The following UGGT2 variants were observed in gnomAD, a reference collection of about 807,000 sequenced individuals.
UGGT2 encodes the protein UDP-glucose:glycoprotein glucosyltransferase 2.
UGGT2 carries 180 observed loss-of-function variants against 192.1 expected under a neutral mutation model. The observed-to-expected ratio is 0.94, with a 90% CI of 0.83 to 1.06. UGGT2 has a LOEUF of 1.06. Among genes scored for constraint, UGGT2 ranks in the 50% least tolerant of loss-of-function variants. The pLI is 0.00. For synonymous variants in UGGT2, 580 were observed against 591.0 expected, an observed-to-expected ratio of 0.98 and a Z score of 0.27; for missense variants, 1,849 against 1,795.7, an observed-to-expected ratio of 1.03 and a Z score of -0.54.
chr13:96,040,531 A>G (rs898156678), intron 1 of UGGT2, among the ~76,000 whole-genome samples: 18 of 152,166 alleles, frequency 1.2e-4, no homozygotes, highest in Non-Finnish European at 2.1e-4. Flanking sequence ...AGGTTCTGGG[A>G]GTTAGGATGT....
At chr13:95,904,572 T>C (rs2048220413) in intron 20 of UGGT2, among the ~76,000 whole-genome samples, 1 of 151,782 alleles carries the variant, frequency 6.6e-6, no homozygotes, top group South Asian at 2.1e-4. Flanking sequence ...TGCGATAGTT[T>C]ACTGAGAATG....
chr13:95,937,499 G>A (rs80012187), intron 16 of UGGT2, among the ~76,000 whole-genome samples: 102 of 152,208 alleles, frequency 6.7e-4, no homozygotes, highest in African/African-American at 1.6e-3. Flanking sequence ...AACATTTATC[G>A]GCATCAGAGA....
At chr13:95,895,943 G>A (rs1329168422) in intron 22 of UGGT2, among the ~76,000 whole-genome samples, 1 of 151,972 alleles carries the variant, frequency 6.6e-6, no homozygotes, top group Non-Finnish European at 1.5e-5. Context: ...TACAAAGTTA[G>A]AAGCTGCCAA....
intron 1 of UGGT2, among the ~76,000 whole-genome samples, chr13:96,052,569 A>C (rs2053516356): frequency 6.6e-6 from 1 of 152,252 alleles, no homozygotes; most frequent in Non-Finnish European, 1.5e-5. Flanking sequence ...GTGAACAGCC[A>C]TTAAGTCATT....
intron 17 of UGGT2, among the ~76,000 whole-genome samples, chr13:95,930,755 G>C (rs1316832515): frequency 6.6e-6 from 1 of 152,172 alleles, no homozygotes; most frequent in Non-Finnish European, 1.5e-5. Flanking sequence ...GACCCTCGCG[G>C]TGAGTGTTAC....
chr13:95,939,298 C>G (rs987946946), intron 16 of UGGT2, among the ~76,000 whole-genome samples: 3 of 152,196 alleles, frequency 2.0e-5, no homozygotes, highest in Non-Finnish European at 2.9e-5. Context: ...CTTCAGGATT[C>G]TGCTTAAATA....
At position 95,975,657 on chromosome 13, in the gene UGGT2, C is replaced by T. The variant is rs908564241; in HGVS notation, c.1093-2986G>A. ...TTATTCTAATATGTCTCTTTAATAA[C>T]CAATGGAGCTGAGCTATTACCTGAA... On this transcript the variant is annotated intron_variant, in intron 10 of 38. Transcript: ENST00000376747. 7.2e-5 allele frequency among the ~76,000 whole-genome samples: 11 copies of T among 152,020 alleles called. No individual in the cohort carries two copies. In the East Asian group the frequency reaches 2.1e-3, roughly 29 times the overall value.
At chr13:96,016,695 T>G (rs550180522) in intron 4 of UGGT2, among the ~76,000 whole-genome samples, 14 of 152,196 alleles carry the variant, frequency 9.2e-5, no homozygotes, top group Admixed American at 6.5e-4. Flanking sequence ...CCCACAGATA[T>G]TCTACTAGGG....
intron 27 of UGGT2, 134 bp from the exon 28 acceptor site, chr13:95,877,990 ATGAG>A: frequency 2.3e-6 from 2 of 866,002 alleles, no homozygotes; most frequent in South Asian, 2.1e-5. Flanking sequence ...TATTTTACAC[ATGAG>A]TGAATTCATG....
rs182742394 is a variant in UGGT2 at position 95,983,976 on chromosome 13, T to A, written c.1032-112A>T. 170 of 623,252 alleles carry A rather than the reference T, an allele frequency of 2.7e-4. 1 individual carries two copies. The East Asian group carries it at 5.1e-3, about 19-fold the overall frequency. 38.6% of individuals were successfully genotyped at this position (623,252 alleles called of 1,614,324 possible). On this transcript the variant is annotated intron_variant, in intron 9 of 38. Coordinates refer to ENST00000376747, the MANE Select transcript of UGGT2 (RefSeq NM_020121.4). ...TAAGAAGCTAAAAACTCCAAATCCT[T>A]TGTGACTGAAAAGTATACATTTCCA...
intron 9 of UGGT2, 74 bp downstream of exon 9, chr13:95,986,259 A>C (rs778633113): frequency 3.3e-4 from 351 of 1,050,710 alleles, no homozygotes; most frequent in Non-Finnish European, 4.3e-4. Context: ...TGTTAAATGA[A>C]ATCAGCTATT....
intron 38 of UGGT2, among the ~76,000 whole-genome samples, chr13:95,820,339 A>C (rs1193905686): frequency 6.6e-6 from 1 of 152,062 alleles, no homozygotes; most frequent in African/African-American, 2.4e-5. Context: ...AAAGCAGTCT[A>C]CTCCCCTAAA....
intron 36 of UGGT2, among the ~76,000 whole-genome samples, chr13:95,838,312 T>C (rs917001211): frequency 3.9e-5 from 6 of 152,102 alleles, no homozygotes; most frequent in Non-Finnish European, 8.8e-5. Context: ...AACACTGAAA[T>C]ACATGAAGAG....
intron 24 of UGGT2, among the ~76,000 whole-genome samples, chr13:95,892,024 C>G (rs548006967): frequency 6.6e-6 from 1 of 152,232 alleles, no homozygotes; most frequent in African/African-American, 2.4e-5. Flanking sequence ...ACAAATCAGA[C>G]GTTCTGCTAT....
At chr13:95,940,139 G>T in intron 15 of UGGT2, 48 bp from the exon 16 acceptor site, 4 of 1,341,090 alleles carry the variant, frequency 3.0e-6, no homozygotes, top group East Asian at 2.7e-5. Flanking sequence ...ATAGCAATTA[G>T]TTTTCTTTTT....
intron 1 of UGGT2, among the ~76,000 whole-genome samples, chr13:96,052,886 A>C (rs1208819426): frequency 6.6e-6 from 1 of 152,260 alleles, no homozygotes; most frequent in Non-Finnish European, 1.5e-5. Context: ...ATGCTAATAC[A>C]TCCCAACGTA....
chr13:95,849,335 G>GAC (rs1436278945), intron 36 of UGGT2, among the ~76,000 whole-genome samples: 2 of 152,100 alleles, frequency 1.3e-5, no homozygotes, highest in Admixed American at 6.5e-5. Context: ...AGGAGATCAA[G>GAC]ACCATCCTGG....
intron 15 of UGGT2, among the ~76,000 whole-genome samples, chr13:95,945,490 T>TTA (rs1182934479): frequency 6.6e-6 from 1 of 152,112 alleles, no homozygotes; most frequent in African/African-American, 2.4e-5. Context: ...TTCCAGGAGA[T>TTA]TATATATTAA....
intron 1 of UGGT2, among the ~76,000 whole-genome samples, chr13:96,046,637 A>G (rs945640805): frequency 6.6e-6 from 1 of 152,218 alleles, no homozygotes; most frequent in Admixed American, 6.5e-5. Flanking sequence ...CAGTGGGTGC[A>G]GCCCACAGAG....
Sources: gnomAD v4.1 joint callset for allele counts (sites outside exome capture counted in the v4.1 genomes callset) on GRCh38, gnomAD v4.1.1 for gene constraint, MANE v1.5 for transcripts, NCBI Gene and HGNC (gene_info 2026-07-23, HGNC 2026-07-21) for gene names.